The following HYAL4 variants were observed in gnomAD, a reference collection of about 807,000 sequenced individuals.
HYAL4 encodes the protein hyaluronidase 4.
A neutral mutation model predicts 35.2 loss-of-function variants in HYAL4; 37 were observed. The observed-to-expected ratio is 1.05, with a 90% CI of 0.81 to 1.38. The LOEUF is 1.38. Among genes scored for constraint, HYAL4 ranks in the 40% most tolerant of loss-of-function variants. The probability of loss-of-function intolerance (pLI) is 0.00; values close to 1 mark genes in which losing one functional copy is unlikely to be tolerated. For missense variants in HYAL4, 572 were observed against 572.4 expected (o/e 1.00, Z 0.01); for synonymous variants, 198 against 203.2 (o/e 0.97, Z 0.22).
chr7:123,843,618 T>A (rs1584912487), upstream of HYAL4, among the ~76,000 whole-genome samples: 1 of 152,030 alleles, frequency 6.6e-6, no homozygotes, highest in Non-Finnish European at 1.5e-5. Flanking sequence ...ATTCTCCCCA[T>A]CACTTTCAGG....
chr7:123,849,934 A>G lies in HYAL4; in HGVS notation c.-52+1776A>G, dbSNP rs80056886. 2.0e-4 allele frequency among the ~76,000 whole-genome samples: 23 copies of G among 116,758 alleles called. No homozygotes were observed. In the East Asian group the frequency reaches 5.2e-3, roughly 26 times the overall value. 76.6% of individuals were successfully genotyped at this position (116,758 alleles called of 152,430 possible). ...AAACTTTCTATATTTCTATGTAGAA[A>G]CATGTTTCTATATTTCTCATATGTT... On this transcript the variant is annotated intron_variant, in intron 2 of 4. Transcript: ENST00000223026.
chr7:123,802,176 A>C, the HYAL4 span, among the ~76,000 whole-genome samples: 1 of 152,164 alleles, frequency 6.6e-6, no homozygotes, highest in Non-Finnish European at 1.5e-5. Flanking sequence ...TTGTTGCAGA[A>C]GTTTCTGATA....
chr7:123,767,261 G>C, the HYAL4 span, among the ~76,000 whole-genome samples: 4 of 152,232 alleles, frequency 2.6e-5, no homozygotes, highest in South Asian at 8.3e-4. Context: ...TTTGCTAAAA[G>C]AGACTTTTGG....
At chr7:123,766,539 G>A in the HYAL4 span, among the ~76,000 whole-genome samples, 9,991 of 152,042 alleles carry the variant, frequency 0.066, 412 homozygotes, top group East Asian at 0.11. Context: ...TATAGAACCA[G>A]TTGTACTAAA....
chr7:123,804,420 C>A, the HYAL4 span, among the ~76,000 whole-genome samples: 1 of 152,134 alleles, frequency 6.6e-6, no homozygotes, highest in African/African-American at 2.4e-5. Flanking sequence ...TTAATCAGCA[C>A]TTCAGGGTGC....
upstream of HYAL4, among the ~76,000 whole-genome samples, chr7:123,827,872 T>G (rs1426565135): frequency 1.3e-5 from 2 of 152,182 alleles, no homozygotes; most frequent in Non-Finnish European, 2.9e-5. Flanking sequence ...AATAAATAAT[T>G]AAATGCTAAT....
At chr7:123,821,812 T>C in the HYAL4 span, among the ~76,000 whole-genome samples, 2 of 152,190 alleles carry the variant, frequency 1.3e-5, no homozygotes, top group East Asian at 1.9e-4. Flanking sequence ...CCAGTTTGAA[T>C]TGACTTTTGT....
rs952665342 is a variant in HYAL4, at chr7:123,874,800, G to T, written c.994G>T (p.Gly332Ter). 1 of 1,610,564 alleles carries T rather than the reference G, an allele frequency of 6.2e-7. No individual in the cohort carries two copies. The highest frequency in any genetic ancestry group is 8.5e-7 in the Non-Finnish European group (1 of 1,176,756). The part of the protein sequence containing the change: ...VSTIGESAAL[G>*]AAGIVIWGDM... ...CACCATAGGAGAAAGTGCTGCCTTG[G>T]GAGCTGCAGGCATTGTTATTTGGGG... The change falls in exon 4 of 5, where the codon GGA (glycine) becomes TGA (stop). Residue 332 changes from glycine to a stop codon, truncating the protein, a stop_gained. Transcript: ENST00000223026. LOFTEE classifies it low-confidence loss of function (END_TRUNC).
the HYAL4 span, among the ~76,000 whole-genome samples, chr7:123,777,653 G>T: frequency 1.3e-5 from 2 of 151,870 alleles, no homozygotes; most frequent in East Asian, 1.9e-4. Context: ...ACCTGATTTC[G>T]CTATATACTT....
the HYAL4 span, among the ~76,000 whole-genome samples, chr7:123,808,881 G>T: frequency 2.0e-5 from 3 of 152,044 alleles, no homozygotes; most frequent in Non-Finnish European, 2.9e-5. Flanking sequence ...ATTCTCTGGG[G>T]CCTTTGTAAT....
chr7:123,852,882 T>A (rs1806344289), intron 2 of HYAL4, among the ~76,000 whole-genome samples: 1 of 152,208 alleles, frequency 6.6e-6, no homozygotes, highest in African/African-American at 2.4e-5. Flanking sequence ...TGGAATATTT[T>A]TCCATTTGTT....
At chr7:123,790,556 C>T in the HYAL4 span, 1 of 141,214 alleles carries the variant, frequency 7.1e-6, no homozygotes, top group African/African-American at 2.6e-5. Context: ...GATATATATT[C>T]TATCTATCCA....
chr7:123,862,030 G>T (rs1304516300), intron 2 of HYAL4, among the ~76,000 whole-genome samples: 1 of 152,076 alleles, frequency 6.6e-6, no homozygotes, highest in Non-Finnish European at 1.5e-5. Context: ...GCAGAGCATT[G>T]ATGTTTCAAA....
chr7:123,837,968 G>A (rs574601855), intron 1 of HYAL4, among the ~76,000 whole-genome samples: 5 of 152,116 alleles, frequency 3.3e-5, no homozygotes, highest in African/African-American at 4.8e-5. Context: ...GAATAGTGCC[G>A]CAATAAACAT....
intron 2 of HYAL4, among the ~76,000 whole-genome samples, chr7:123,854,259 T>C (rs1806378812): frequency 6.6e-6 from 1 of 152,206 alleles, no homozygotes; most frequent in African/African-American, 2.4e-5. Context: ...TCTTGTCTTC[T>C]TCTAGCTTTT....
At chr7:123,823,331 T>A in the HYAL4 span, among the ~76,000 whole-genome samples, 8 of 152,200 alleles carry the variant, frequency 5.3e-5, no homozygotes, top group Non-Finnish European at 1.0e-4. Context: ...ATACTTTTAA[T>A]GTGCTATTGA....
chr7:123,765,175 T>A, the HYAL4 span, among the ~76,000 whole-genome samples: 1 of 151,978 alleles, frequency 6.6e-6, no homozygotes, highest in Non-Finnish European at 1.5e-5. Flanking sequence ...TTTAACTCTT[T>A]TGAGTTAACA....
chr7:123,877,004 C>G lies in HYAL4; in HGVS notation c.1295C>G (p.Thr432Arg). 6.2e-7 allele frequency: 1 copy of G among 1,614,208 alleles called. No individual in the cohort carries two copies. The highest frequency in any genetic ancestry group is 8.5e-7 in the Non-Finnish European group (1 of 1,180,026). Residue 432 changes from threonine (T) to arginine (R), a missense_variant, in exon 5 of 5, where the codon ACA becomes AGA. Coordinates refer to ENST00000223026, the MANE Select transcript of HYAL4 (RefSeq NM_012269.3). ...ACAGACCTGGCAGTGATGGCAGATA[C>G]ATTTTCCTGTCATTGTTATCAGGGA... The part of the protein sequence containing the change: ...SDTDLAVMAD[T>R]FSCHCYQGYE...
the HYAL4 span, among the ~76,000 whole-genome samples, chr7:123,782,187 T>G: frequency 6.6e-6 from 1 of 152,222 alleles, no homozygotes; most frequent in African/African-American, 2.4e-5. Context: ...AAGAGGTTGT[T>G]GACATATATG....
Sources: allele counts gnomAD v4.1 joint callset (sites outside exome capture counted in the v4.1 genomes callset), GRCh38; gene constraint gnomAD v4.1.1; transcripts MANE v1.5; gene names NCBI Gene and HGNC (gene_info 2026-07-23, HGNC 2026-07-21).